UBE2E2: variants seen among roughly 807,000 people sequenced by gnomAD.
UBE2E2 encodes the protein ubiquitin-conjugating enzyme E2 E2.
UBE2E2 carries 6 observed loss-of-function variants against 24.7 expected under a neutral mutation model. That is an observed-to-expected ratio of 0.24 (90% confidence interval 0.13 to 0.48). The LOEUF (loss-of-function observed/expected upper bound fraction) is 0.48, where lower values mean the gene tolerates loss of function less well. Ranked by LOEUF, UBE2E2 falls within the 20% of genes least tolerant of loss-of-function variation. The pLI is 0.99. For synonymous variants in UBE2E2, 104 were observed against 83.6 expected, an observed-to-expected ratio of 1.24 and a Z score of -1.33; for missense variants, 169 against 245.0, an observed-to-expected ratio of 0.69 and a Z score of 2.07.
chr3:23,358,742 T>C (rs927568574), intron 3 of UBE2E2, among the ~76,000 whole-genome samples: 7 of 152,252 alleles, frequency 4.6e-5, no homozygotes, highest in Admixed American at 3.3e-4. Context: ...TATCTAAATA[T>C]TTCTTGCTAT....
intron 3 of UBE2E2, among the ~76,000 whole-genome samples, chr3:23,320,841 C>G (rs894285742): frequency 1.3e-5 from 2 of 152,190 alleles, no homozygotes; most frequent in African/African-American, 2.4e-5. Context: ...TCATACTCAG[C>G]TGTTTGTCTC....
At chr3:23,420,375 C>T (rs537660245) in intron 3 of UBE2E2, among the ~76,000 whole-genome samples, 2 of 152,082 alleles carry the variant, frequency 1.3e-5, no homozygotes, top group Non-Finnish European at 2.9e-5. Flanking sequence ...AAAAGAAGTT[C>T]CCTTTATTGC....
At chr3:23,462,715 C>T (rs1698832002) in intron 3 of UBE2E2, among the ~76,000 whole-genome samples, 1 of 152,136 alleles carries the variant, frequency 6.6e-6, no homozygotes, top group African/African-American at 2.4e-5. Context: ...TGATGCCTTC[C>T]CGTCTCATCT....
At chr3:23,231,376 A>G (rs1051988508) in intron 3 of UBE2E2, among the ~76,000 whole-genome samples, 2 of 152,306 alleles carry the variant, frequency 1.3e-5, no homozygotes, top group African/African-American at 4.8e-5. Context: ...AGAGGAGGCT[A>G]TAGGAAGAAC....
rs145660687 is a variant in UBE2E2 at position 23,419,544 on chromosome 3, CTTTT to C, written c.228-80063_228-80060del. 3.9e-3 allele frequency among the ~76,000 whole-genome samples: 590 copies of C among 152,276 alleles called. 6 individuals are homozygous for C. The highest frequency in any genetic ancestry group is 5.6e-3 in the Non-Finnish European group (379 of 68,018). ...TGACCCACCAGAATTACCTGGGAAG[CTTTT>C]AATAAGTTGTGGATGTTGCTTGAGA... On this transcript the variant is annotated intron_variant, in intron 3 of 5. Transcript: ENST00000396703.
chr3:23,321,946 T>G (rs1341778730), intron 3 of UBE2E2, among the ~76,000 whole-genome samples: 1 of 152,116 alleles, frequency 6.6e-6, no homozygotes, highest in Admixed American at 6.5e-5. Flanking sequence ...AAGAGAATGA[T>G]TCACATTAGT....
chr3:23,309,858 C>T (rs966538238), intron 3 of UBE2E2, among the ~76,000 whole-genome samples: 3 of 151,976 alleles, frequency 2.0e-5, no homozygotes, highest in Admixed American at 6.6e-5. Context: ...ACAGGTTACT[C>T]GACTGCCCTC....
At chr3:23,236,028 G>T (rs1017803084) in intron 3 of UBE2E2, among the ~76,000 whole-genome samples, 1 of 152,098 alleles carries the variant, frequency 6.6e-6, no homozygotes, top group Non-Finnish European at 1.5e-5. Context: ...TAGACAGACA[G>T]TAATACTCAA....
At position 23,585,211 on chromosome 3, in the gene UBE2E2, AAAAT is replaced by A. The variant is rs1255900035; in HGVS notation, c.509-4518_509-4515del. On this transcript the variant is annotated intron_variant, in intron 5 of 5. Transcript: ENST00000396703. ...GCAACATCTGCCGTCTCTACCAAAA[AAAAT>A]AAATCAATAAACTGGACATGCTACT... Among the ~76,000 whole-genome samples, 3 of 151,950 alleles carry A rather than the reference AAAAT, an allele frequency of 2.0e-5. No homozygotes were observed. The East Asian group carries it at 5.8e-4, about 29-fold the overall frequency.
chr3:23,271,365 T>A, intron 3 of UBE2E2, among the ~76,000 whole-genome samples: 1 of 152,312 alleles, frequency 6.6e-6, no homozygotes, highest in South Asian at 2.1e-4. Context: ...ACGGTGAGTG[T>A]TGCAGCTCAT....
chr3:23,296,314 T>G (rs78692406), intron 3 of UBE2E2, among the ~76,000 whole-genome samples: 11 of 152,246 alleles, frequency 7.2e-5, no homozygotes, highest in African/African-American at 2.6e-4. Flanking sequence ...TTCTTTTTTT[T>G]AAATTTTATT....
chr3:23,463,546 C>T (rs1174513414), intron 3 of UBE2E2, among the ~76,000 whole-genome samples: 1 of 152,098 alleles, frequency 6.6e-6, no homozygotes, highest in Non-Finnish European at 1.5e-5. Context: ...CCCTCTTTGA[C>T]TTGAGATGAC....
At chr3:23,209,132 C>T (rs948903725) in intron 2 of UBE2E2, among the ~76,000 whole-genome samples, 7 of 152,148 alleles carry the variant, frequency 4.6e-5, no homozygotes, top group South Asian at 2.1e-4. Context: ...ATCAGGGAAA[C>T]ATATACAGGG....
intron 4 of UBE2E2, among the ~76,000 whole-genome samples, chr3:23,522,128 ATT>A (rs34111484): frequency 0.01 from 1,292 of 124,204 alleles, 14 homozygotes; most frequent in African/African-American, 0.035. Flanking sequence ...TAACCAGCTA[ATT>A]TTTTTTTTTT....
intron 3 of UBE2E2, among the ~76,000 whole-genome samples, chr3:23,484,329 C>G (rs1699316205): frequency 6.6e-6 from 1 of 152,172 alleles, no homozygotes; most frequent in Admixed American, 6.5e-5. Flanking sequence ...CTTGTTCAAA[C>G]CATATACTTA....
chr3:23,482,441 C>T (rs185523325), intron 3 of UBE2E2, among the ~76,000 whole-genome samples: 90 of 152,202 alleles, frequency 5.9e-4, no homozygotes, highest in Non-Finnish European at 1.1e-3. Flanking sequence ...TGGGGCTACA[C>T]CTCCACCAAG....
intron 3 of UBE2E2, among the ~76,000 whole-genome samples, chr3:23,300,035 G>A (rs1040511926): frequency 1.3e-5 from 2 of 151,174 alleles, no homozygotes; most frequent in African/African-American, 4.8e-5. Flanking sequence ...TTACCATTAT[G>A]TAATGGCCTT....
intron 4 of UBE2E2, among the ~76,000 whole-genome samples, chr3:23,530,414 A>G (rs944752265): frequency 1.3e-5 from 2 of 152,188 alleles, no homozygotes; most frequent in Non-Finnish European, 2.9e-5. Context: ...ACTTTTGGCT[A>G]TATTGTTAGA....
intron 3 of UBE2E2, among the ~76,000 whole-genome samples, chr3:23,400,623 C>CACACACACACACACACAT (rs1553608504): frequency 2.0e-4 from 30 of 151,142 alleles, no homozygotes; most frequent in East Asian, 3.9e-4. Flanking sequence ...CACACACACA[C>CACACACACACACACACAT]ACACACACAC....
Sources: allele counts gnomAD v4.1 joint callset (sites outside exome capture counted in the v4.1 genomes callset), GRCh38; gene constraint gnomAD v4.1.1; transcripts MANE v1.5; gene names NCBI Gene and HGNC (gene_info 2026-07-23, HGNC 2026-07-21).